The following KLHL1 variants were observed in gnomAD, a reference collection of about 807,000 sequenced individuals.
KLHL1 encodes the protein kelch like family member 1, also known as kelch-like protein 1.
A neutral mutation model predicts 77.7 loss-of-function variants in KLHL1; 47 were observed. The observed-to-expected ratio is 0.60, with a 90% CI of 0.48 to 0.77. The LOEUF (loss-of-function observed/expected upper bound fraction) is 0.77, where lower values mean the gene tolerates loss of function less well. KLHL1 is among the 30% of genes least tolerant of loss of function. KLHL1 has a pLI of 0.00. For missense variants in KLHL1, 925 were observed against 910.8 expected (o/e 1.02, Z -0.20); for synonymous variants, 360 against 325.2 (o/e 1.11, Z -1.15).
At chr13:69,987,992 T>C (rs1170853502) in intron 1 of KLHL1, among the ~76,000 whole-genome samples, 1 of 151,982 alleles carries the variant, frequency 6.6e-6, no homozygotes, top group Non-Finnish European at 1.5e-5. Context: ...GTGGTACATG[T>C]TCAGGCTTGT....
chr13:69,866,978 T>C (rs1053384732), intron 5 of KLHL1, among the ~76,000 whole-genome samples: 2 of 152,134 alleles, frequency 1.3e-5, no homozygotes, highest in African/African-American at 4.8e-5. Flanking sequence ...TTAATTTGTG[T>C]TTAATCTGTC....
intron 1 of KLHL1, among the ~76,000 whole-genome samples, chr13:70,075,183 T>C (rs1816895295): frequency 6.6e-6 from 1 of 151,826 alleles, no homozygotes; most frequent in South Asian, 2.1e-4. Context: ...AAGAGATGTA[T>C]GGATTTGGGA....
At chr13:69,752,523 TAAAAC>T (rs887350199) in intron 7 of KLHL1, among the ~76,000 whole-genome samples, 14 of 152,172 alleles carry the variant, frequency 9.2e-5, no homozygotes, top group Admixed American at 5.9e-4. Flanking sequence ...AACATGAAAA[TAAAAC>T]AAATAACAAT....
intron 7 of KLHL1, among the ~76,000 whole-genome samples, chr13:69,786,303 C>G (rs1463541945): frequency 6.6e-6 from 1 of 152,130 alleles, no homozygotes; most frequent in Non-Finnish European, 1.5e-5. Context: ...AAAAGCTTAT[C>G]CACCATGATC....
chr13:69,894,989 C>G, intron 4 of KLHL1: 2 of 500,196 alleles, frequency 4.0e-6, no homozygotes, highest in East Asian at 1.1e-4. Flanking sequence ...TCTGAGCTCA[C>G]AAATGTAGAC....
rs577420693 is a variant in KLHL1, at chr13:70,107,889, C to T, written c.-190G>A. On this transcript the variant is annotated 5_prime_UTR_variant, in exon 1 of 11. Transcript: ENST00000377844. ...GGCTGGAGCGCAGACGGCAAAGCCG[C>T]GCGTTTCAGCCGTGGTCGGGTCCGC... is the stretch of plus-strand genomic sequence containing the variant. The T allele has an allele frequency of 1.2e-4, 62 of 532,658 alleles. No individual in the cohort carries two copies. The highest frequency in any genetic ancestry group is 1.1e-3 in the African/African-American group (59 of 52,380). The allele number at this position is 532,658 out of a possible 1,614,324, so 33.0% of individuals were successfully genotyped here. A position where few individuals can be genotyped will look rare whatever the true frequency, so the allele number is the denominator to read the frequency against.
intron 7 of KLHL1, among the ~76,000 whole-genome samples, chr13:69,778,559 T>C (rs552720918): frequency 1.3e-5 from 2 of 152,272 alleles, no homozygotes; most frequent in African/African-American, 4.8e-5. Context: ...GTACAAGAGA[T>C]ATCTATGGAT....
At chr13:70,036,476 A>G (rs892739470) in intron 1 of KLHL1, among the ~76,000 whole-genome samples, 9 of 151,942 alleles carry the variant, frequency 5.9e-5, no homozygotes, top group Non-Finnish European at 1.2e-4. Flanking sequence ...TAGTTTTCCA[A>G]TCAATCAATG....
At position 69,720,096 on chromosome 13, in the gene KLHL1, T is replaced by A. The variant is rs138772097; in HGVS notation, c.1803-515A>T. Among the ~76,000 whole-genome samples the A allele has an allele frequency of 4.9e-3, 738 of 152,132 alleles. 5 individuals carry two copies. Among genetic ancestry groups the A allele is most frequent in the African/African-American group, 0.017 (703 of 41,532 alleles). On this transcript the variant is annotated intron_variant, in intron 8 of 10. Transcript: ENST00000377844. ...ATTATCTTAACAACAACTTTCTTAC[T>A]CAGTGCCTATACTATAGCTAAAAAC...
At chr13:69,869,783 A>G (rs1593904039) in intron 5 of KLHL1, among the ~76,000 whole-genome samples, 1 of 152,216 alleles carries the variant, frequency 6.6e-6, no homozygotes, top group East Asian at 1.9e-4. Context: ...GTCCCATCAC[A>G]TGGCTCTCTT....
chr13:69,783,140 A>T (rs1876319689), intron 7 of KLHL1, among the ~76,000 whole-genome samples: 1 of 152,184 alleles, frequency 6.6e-6, no homozygotes, highest in Non-Finnish European at 1.5e-5. Flanking sequence ...GAAAACTAAC[A>T]AACAGAAAGG....
chr13:69,915,628 A>G (rs1163289366), intron 4 of KLHL1, among the ~76,000 whole-genome samples: 1 of 152,142 alleles, frequency 6.6e-6, no homozygotes, highest in Non-Finnish European at 1.5e-5. Flanking sequence ...TAGAACTGAA[A>G]CCATAAAAAC....
intron 4 of KLHL1, among the ~76,000 whole-genome samples, chr13:69,939,328 TAC>T (rs1883277989): frequency 2.3e-5 from 2 of 88,638 alleles, no homozygotes; most frequent in Non-Finnish European, 4.3e-5. Flanking sequence ...CTCATATATA[TAC>T]ATATACATAC....
intron 1 of KLHL1, among the ~76,000 whole-genome samples, chr13:69,981,313 A>T (rs1884697842): frequency 1.3e-5 from 2 of 152,170 alleles, no homozygotes; most frequent in Non-Finnish European, 2.9e-5. Flanking sequence ...TTTCTGGATG[A>T]CTAGATTCAA....
rs528326388 is a variant in KLHL1 at position 69,788,670 on chromosome 13, T to A, written c.1639+8068A>T. On this transcript the variant is annotated intron_variant, in intron 7 of 10. Transcript: ENST00000377844. ...AAAACTTAAAGTATAATAATAATAATAGAAAATATAGTATTTATGTATATC... is the reference window on the plus strand; with the variant it reads ...AAAACTTAAAGTATAATAATAATAAAAGAAAATATAGTATTTATGTATATC... Among the ~76,000 whole-genome samples the A allele has an allele frequency of 9.6e-3, 1,449 of 151,610 alleles. 21 individuals are homozygous for A. Among genetic ancestry groups the A allele is most frequent in the African/African-American group, 0.032 (1,333 of 41,346 alleles).
intron 1 of KLHL1, among the ~76,000 whole-genome samples, chr13:70,067,634 GACA>G (rs3072584): frequency 0.29 from 43,894 of 150,946 alleles, 7,840 homozygotes; most frequent in South Asian, 0.47. Flanking sequence ...GACATATTTT[GACA>G]ACAACAACAA....
intron 3 of KLHL1, among the ~76,000 whole-genome samples, chr13:69,958,236 C>G (rs1456153119): frequency 2.0e-5 from 3 of 148,218 alleles, no homozygotes; most frequent in African/African-American, 5.1e-5. Context: ...TTACCAGTTA[C>G]CAAATAATAA....
chr13:69,956,219 T>C (rs1372940483), intron 3 of KLHL1, among the ~76,000 whole-genome samples: 1 of 146,522 alleles, frequency 6.8e-6, no homozygotes, highest in Non-Finnish European at 1.5e-5. Context: ...TAAACCAAAA[T>C]AAGATAACAA....
At chr13:69,951,553 G>A (rs149326975) in intron 3 of KLHL1, among the ~76,000 whole-genome samples, 154 of 151,624 alleles carry the variant, frequency 1.0e-3, no homozygotes, top group African/African-American at 3.4e-3. Flanking sequence ...AGTTTTAATA[G>A]TTTATCTCAC....
Sources: gnomAD v4.1 joint callset for allele counts (sites outside exome capture counted in the v4.1 genomes callset) on GRCh38, gnomAD v4.1.1 for gene constraint, MANE v1.5 for transcripts, NCBI Gene and HGNC (gene_info 2026-07-23, HGNC 2026-07-21) for gene names.